CEACAM21: variants seen among roughly 807,000 people sequenced by gnomAD.
The protein encoded by CEACAM21 is cell adhesion molecule CEACAM21.
CEACAM21 carries 38 observed loss-of-function variants against 33.2 expected under a neutral mutation model. The observed-to-expected ratio is 1.14, with a 90% CI of 0.88 to 1.50. The LOEUF is 1.50. CEACAM21 is among the 40% of genes most tolerant of loss of function. The probability of loss-of-function intolerance (pLI) is 0.00; values close to 1 mark genes in which losing one functional copy is unlikely to be tolerated. For synonymous variants in CEACAM21, 156 were observed against 143.0 expected (o/e 1.09, Z -0.65); for missense variants, 385 against 364.6 (o/e 1.06, Z -0.46).
intron 2 of CEACAM21, among the ~76,000 whole-genome samples, chr19:41,579,019 G>A (rs2043165639): frequency 6.6e-6 from 1 of 152,078 alleles, no homozygotes; most frequent in Non-Finnish European, 1.5e-5. Context: ...TGTCCCTTAG[G>A]GGCTGAGACC....
At position 41,576,403 on chromosome 19, in the gene CEACAM21, G is replaced by A; in HGVS notation, c.64+65G>A. The A allele has an allele frequency of 3.3e-6, 5 of 1,522,332 alleles. No homozygotes were observed. The South Asian group carries it at 6.2e-5, about 19-fold the overall frequency. 94.3% of individuals were successfully genotyped at this position (1,522,332 alleles called of 1,614,324 possible). Reference sequence around the variant, plus strand: ...GCACAGAGACTGGCTGGGGTCTCCTGGGGAGGATGGGGCTCTGAGAGGAGA... The same window carrying A: ...GCACAGAGACTGGCTGGGGTCTCCTAGGGAGGATGGGGCTCTGAGAGGAGA... On this transcript the variant is annotated intron_variant, in intron 1 of 6. Coordinates refer to ENST00000401445, the MANE Select transcript of CEACAM21 (RefSeq NM_001098506.4).
chr19:41,565,819 T>C (rs1300939796), intron 2 of CEACAM21, among the ~76,000 whole-genome samples: 3 of 151,906 alleles, frequency 2.0e-5, no homozygotes, highest in African/African-American at 4.8e-5. Flanking sequence ...ATGAAGAAGA[T>C]AGGTGACTAA....
chr19:41,559,560 A>T (rs2041744026), intron 1 of CEACAM21, among the ~76,000 whole-genome samples: 1 of 152,244 alleles, frequency 6.6e-6, no homozygotes, highest in South Asian at 2.1e-4. Context: ...TATAAAGGCA[A>T]AAAATAAGAA....
rs1362187514 is a variant in CEACAM21, at chr19:41,585,365, C to A, written c.798-78C>A. 4.0e-6 allele frequency: 6 copies of A among 1,494,052 alleles called. No homozygotes were observed. In the African/African-American group the frequency reaches 6.9e-5, roughly 17 times the overall value. The allele number at this position is 1,494,052 out of a possible 1,614,324, so 92.5% of individuals were successfully genotyped here. A position where few individuals can be genotyped will look rare whatever the true frequency, so the allele number is the denominator to read the frequency against. On this transcript the variant is annotated intron_variant, in intron 4 of 6. Transcript: ENST00000401445. ...CCATACCCCTCTTGGAAATAGGCTCCTTTCCTGGTCCCCTATTTTAACTCC... is the reference window on the plus strand; with the variant it reads ...CCATACCCCTCTTGGAAATAGGCTCATTTCCTGGTCCCCTATTTTAACTCC...
chr19:41,552,191 T>A (rs2041252839), intron 1 of CEACAM21: 1 of 152,184 alleles, frequency 6.6e-6, no homozygotes, highest in Non-Finnish European at 1.5e-5. Context: ...TTGGAGACCT[T>A]TCTCTGGAGC....
intron 2 of CEACAM21, among the ~76,000 whole-genome samples, chr19:41,567,580 G>A (rs2042346656): frequency 6.6e-6 from 1 of 152,168 alleles, no homozygotes; most frequent in South Asian, 2.1e-4. Context: ...TACTAATCCT[G>A]AATTCAACCC....
chr19:41,580,824 G>A (rs1729568825), intron 3 of CEACAM21, among the ~76,000 whole-genome samples: 1 of 152,156 alleles, frequency 6.6e-6, no homozygotes, highest in Admixed American at 6.5e-5. Context: ...ATTGGTCATT[G>A]GTGATTAATT....
intron 2 of CEACAM21, among the ~76,000 whole-genome samples, chr19:41,567,016 T>C (rs1337910308): frequency 2.6e-5 from 4 of 152,194 alleles, no homozygotes; most frequent in African/African-American, 9.7e-5. Flanking sequence ...TAAATTTTTT[T>C]GATTAATCAA....
Position 41,565,402 on chromosome 19 carries a change from C to A in CEACAM21, c.-404+346C>A, listed in dbSNP as rs182255632. Among the ~76,000 whole-genome samples, 530 of 152,214 alleles carry A rather than the reference C, an allele frequency of 3.5e-3. 4 individuals are homozygous for A. The highest frequency in any genetic ancestry group is 0.012 in the African/African-American group (506 of 41,532). ...GATCAGCCCTGAGAGCCAGTCCTTA[C>A]CCTGAAGTTACAGATCTGGCTTCCA... On this transcript the variant is annotated intron_variant, in intron 2 of 7. Transcript: ENST00000407170.
At chr19:41,583,785 AT>A (rs782528427) in intron 3 of CEACAM21, among the ~76,000 whole-genome samples, 1 of 152,208 alleles carries the variant, frequency 6.6e-6, no homozygotes, top group Non-Finnish European at 1.5e-5. Context: ...GATTATTACA[AT>A]TCAAGGTGAG....
intron 2 of CEACAM21, among the ~76,000 whole-genome samples, chr19:41,566,847 A>C (rs1490899699): frequency 1.3e-5 from 2 of 152,176 alleles, no homozygotes; most frequent in Non-Finnish European, 2.9e-5. Flanking sequence ...TTATTGCTCT[A>C]TTCATAATAT....
At chr19:41,577,088 C>T in intron 1 of CEACAM21, 112 bp from the exon 2 acceptor site, 1 of 1,221,648 alleles carries the variant, frequency 8.2e-7, no homozygotes, top group Non-Finnish European at 1.2e-6. Context: ...AGGACACACA[C>T]ACACACACAC....
At position 41,559,626 on chromosome 19, in the gene CEACAM21, G is replaced by A. The variant is rs528216944; in HGVS notation, c.-778-5056G>A. 2.0e-5 allele frequency among the ~76,000 whole-genome samples: 3 copies of A among 152,134 alleles called. No individual in the cohort carries two copies. In the South Asian group the frequency reaches 6.2e-4, roughly 32 times the overall value. ...CAAGTCAAAAGATGTTCTTTAAAAAGCAAAGTTCCAGCAGGATTATTAAGA... is the reference window on the plus strand; with the variant it reads ...CAAGTCAAAAGATGTTCTTTAAAAAACAAAGTTCCAGCAGGATTATTAAGA... On this transcript the variant is annotated intron_variant, in intron 1 of 7. Transcript: ENST00000407170.
chr19:41,557,300 C>T (rs892184747), intron 1 of CEACAM21, among the ~76,000 whole-genome samples: 3 of 152,112 alleles, frequency 2.0e-5, no homozygotes, highest in Non-Finnish European at 4.4e-5. Context: ...GTCACAGACC[C>T]GTTACTCTGT....
intron 2 of CEACAM21, among the ~76,000 whole-genome samples, chr19:41,578,537 C>T (rs1043529221): frequency 6.6e-6 from 1 of 152,152 alleles, no homozygotes; most frequent in Non-Finnish European, 1.5e-5. Context: ...AGAATCTGGT[C>T]GTGGCCACCA....
upstream of CEACAM21, among the ~76,000 whole-genome samples, chr19:41,571,639 A>G (rs9304595): frequency 6.6e-6 from 1 of 152,096 alleles, no homozygotes; most frequent in African/African-American, 2.4e-5. Flanking sequence ...TTTATGTTCA[A>G]ATTTGTAGAC....
chr19:41,559,068 A>G (rs2041713121), intron 1 of CEACAM21, among the ~76,000 whole-genome samples: 1 of 152,356 alleles, frequency 6.6e-6, no homozygotes, highest in South Asian at 2.1e-4. Flanking sequence ...ATGAATCAGT[A>G]AACATATAGA....
chr19:41,577,080 GACACACAC>G, intron 1 of CEACAM21, 112 bp from the exon 2 acceptor site: 3 of 1,032,996 alleles, frequency 2.9e-6, no homozygotes, highest in Non-Finnish European at 4.2e-6. Context: ...GACCCAGTAG[GACACACAC>G]ACACACACAC....
At chr19:41,576,608 T>C (rs782619974) in intron 1 of CEACAM21, among the ~76,000 whole-genome samples, 2 of 152,186 alleles carry the variant, frequency 1.3e-5, no homozygotes, top group Admixed American at 6.5e-5. Flanking sequence ...ACAATTTAAA[T>C]AAAAACACCA....
Sources: gnomAD v4.1 joint callset for allele counts (sites outside exome capture counted in the v4.1 genomes callset) on GRCh38, gnomAD v4.1.1 for gene constraint, MANE v1.5 for transcripts, NCBI Gene and HGNC (gene_info 2026-07-23, HGNC 2026-07-21) for gene names.